Variants in COL5A1 observed in about 807,000 individuals in gnomAD.
COL5A1 encodes collagen alpha-1(V) chain.
A neutral mutation model predicts 263.7 loss-of-function variants in COL5A1; 16 were observed. The ratio of observed to expected loss-of-function variants is 0.06; its 90% CI spans 0.04 to 0.09. The LOEUF (loss-of-function observed/expected upper bound fraction) is 0.09. Among genes scored for constraint, COL5A1 ranks in the 10% least tolerant of loss-of-function variants. COL5A1 has a pLI of 1.00. For synonymous variants in COL5A1, 1,012 were observed against 1,004.5 expected (o/e 1.01, Z -0.14); for missense variants, 2,036 against 2,540.5 (o/e 0.80, Z 4.27).
At position 134,842,122 on chromosome 9, in the gene COL5A1, C is replaced by T; in HGVS notation, c.5371-35C>T. 2 of 1,613,884 alleles carry T rather than the reference C, an allele frequency of 1.2e-6. No individual in the cohort carries two copies. The highest frequency in any genetic ancestry group is 1.6e-4 in the Middle Eastern group (1 of 6,062). On this transcript the variant is annotated intron_variant, in intron 65 of 65. Transcript: ENST00000371817. The surrounding 1 kb of genome is among the most constrained non-coding windows in gnomAD (Gnocchi z 5.8). ...GTAAACCCCAAGACCCCCAACTGTT[C>T]TTAACCACCGGCCATCTGTCTCCCT... is the stretch of plus-strand genomic sequence containing the variant.
intron 1 of COL5A1, among the ~76,000 whole-genome samples, chr9:134,666,937 C>T (rs995529618): frequency 1.3e-5 from 2 of 152,224 alleles, no homozygotes; most frequent in African/African-American, 2.4e-5. Flanking sequence ...CACATCTCCT[C>T]GAGGATGGGG....
chr9:134,767,149 C>T (rs1836703671), intron 23 of COL5A1, 96 bp downstream of exon 23: 1 of 1,485,210 alleles, frequency 6.7e-7, no homozygotes, highest in Non-Finnish European at 9.3e-7. Context: ...GAGCTCTGTC[C>T]CCTCCAAGTA....
Position 134,700,226 on chromosome 9 carries a change from G to A in COL5A1, c.491+104G>A, listed in dbSNP as rs1273526431. On this transcript the variant is annotated intron_variant, in intron 3 of 65. Transcript: ENST00000371817. This position sits in a 1 kb window ranked among gnomAD's most constrained non-coding sequence, Gnocchi z 4.0. ...GCACAGTAGAGGACGTGCAGCAGCC[G>A]GTACTGAGACTCCCACAGACGCCGC... 17 of 1,110,610 alleles carry A rather than the reference G, an allele frequency of 1.5e-5. No individual in the cohort carries two copies. The highest frequency in any genetic ancestry group is 2.0e-5 in the Non-Finnish European group (15 of 766,340). The allele number at this position is 1,110,610 out of a possible 1,614,324, so 68.8% of individuals were successfully genotyped here. A position where few individuals can be genotyped will look rare whatever the true frequency, so the allele number is the denominator to read the frequency against.
Position 134,821,648 on chromosome 9 carries a change from G to T in COL5A1, c.4555-449G>T, listed in dbSNP as rs1402615064. Among the ~76,000 whole-genome samples the T allele has an allele frequency of 1.3e-5, 2 of 152,214 alleles. No homozygotes were observed. The highest frequency in any genetic ancestry group is 4.8e-5 in the African/African-American group (2 of 41,450). Reference sequence around the variant, plus strand: ...GAAAGCACATTTACAGGCAGGACAGGACAGTCAGCATGGATGGGACTCCCT... The same window carrying T: ...GAAAGCACATTTACAGGCAGGACAGTACAGTCAGCATGGATGGGACTCCCT... On this transcript the variant is annotated intron_variant, in intron 58 of 65. Transcript: ENST00000371817. This position sits in a 1 kb window ranked among gnomAD's most constrained non-coding sequence, Gnocchi z 4.2.
In COL5A1 at chr9:134,757,943, C is replaced by T. The variant is rs140511318; in HGVS notation, c.1882-300C>T. On this transcript the variant is annotated intron_variant, in intron 17 of 65. Transcript: ENST00000371817. This position sits in a 1 kb window ranked among gnomAD's most constrained non-coding sequence, Gnocchi z 6.2. ...GATCAGCAGCAGACACTCACACACA[C>T]GGGAAACTGCAGCGGTCGCTGAAAT... Among the ~76,000 whole-genome samples, 96 of 152,266 alleles carry T rather than the reference C, an allele frequency of 6.3e-4. No individual in the cohort carries two copies. Among genetic ancestry groups the T allele is most frequent in the Non-Finnish European group, 1.0e-3 (68 of 68,020 alleles).
At chr9:134,714,873 A>G (rs111288038) in intron 4 of COL5A1, among the ~76,000 whole-genome samples, 17 of 102,974 alleles carry the variant, frequency 1.7e-4, no homozygotes, top group Non-Finnish European at 2.5e-4. Context: ...AGGTGATGGT[A>G]GTGGTGGTGA....
At position 134,765,883 on chromosome 9, in the gene COL5A1, C is replaced by G; in HGVS notation, c.2088+149C>G. On this transcript the variant is annotated intron_variant, in intron 21 of 65. Coordinates refer to ENST00000371817, the MANE Select transcript of COL5A1 (RefSeq NM_000093.5). The surrounding 1 kb of genome is among the most constrained non-coding windows in gnomAD (Gnocchi z 5.1). ...CTGCCAGTGTGAGGCGTGAGCGGGACACTGATGTTCAGACGCTGTAGACAC... is the reference window on the plus strand; with the variant it reads ...CTGCCAGTGTGAGGCGTGAGCGGGAGACTGATGTTCAGACGCTGTAGACAC... 1.5e-6 allele frequency: 1 copy of G among 655,472 alleles called. No homozygotes were observed. The highest frequency in any genetic ancestry group is 2.6e-6 in the Non-Finnish European group (1 of 382,216). The allele number at this position is 655,472 out of a possible 1,614,324, so 40.6% of individuals were successfully genotyped here.
chr9:134,728,698 C>A lies in COL5A1; in HGVS notation c.815C>A (p.Thr272Asn), dbSNP rs1260757917. ...YYTEGDGEGE[T>N]YYYEYPYYED... ...ACGGAAGGAGACGGCGAGGGTGAGACCTATTACTACGAATACCCCTACTAC... is the reference window on the plus strand; with the variant it reads ...ACGGAAGGAGACGGCGAGGGTGAGAACTATTACTACGAATACCCCTACTAC... Residue 272 changes from threonine to asparagine, a missense_variant, in exon 6 of 66, where the codon ACC becomes AAC. This residue lies in a region of COL5A1 where 600 missense variants were observed against 634.5 expected (regional missense o/e 0.95). Transcript: ENST00000371817. The A allele has an allele frequency of 1.2e-6, 2 of 1,614,190 alleles. No homozygotes were observed. Among genetic ancestry groups the A allele is most frequent in the Non-Finnish European group, 8.5e-7 (1 of 1,180,040 alleles).
chr9:134,768,683 C>T (rs1038877636), intron 25 of COL5A1, among the ~76,000 whole-genome samples: 1 of 152,124 alleles, frequency 6.6e-6, no homozygotes, highest in Non-Finnish European at 1.5e-5. Flanking sequence ...GGCGATTGCG[C>T]GAGTAGGAAT....
intron 34 of COL5A1, among the ~76,000 whole-genome samples, chr9:134,795,772 A>T (rs1450708700): frequency 6.6e-6 from 1 of 152,114 alleles, no homozygotes; most frequent in African/African-American, 2.4e-5. Flanking sequence ...CATTGAAGCC[A>T]CTCCTTGGGT....
At chr9:134,834,459 G>C (rs1839771083) in intron 64 of COL5A1, among the ~76,000 whole-genome samples, 1 of 152,194 alleles carries the variant, frequency 6.6e-6, no homozygotes, top group African/African-American at 2.4e-5. Context: ...AGTGGGTGCT[G>C]GCCCAGGAGA....
In COL5A1 at chr9:134,824,591, G is replaced by T. The variant is rs752625762; in HGVS notation, c.4699-9G>T. The stretch of plus-strand genomic sequence containing the variant: ...CATCACCCACCGCTGCTCCTGTTCT[G>T]TCCCCCAGGGCCCCCCGGGAGAGGT... On this transcript the variant is annotated splice_polypyrimidine_tract_variant and intron_variant, in intron 61 of 65. Transcript: ENST00000371817. The T allele has an allele frequency of 6.2e-7, 1 of 1,613,788 alleles. No homozygotes were observed. The highest frequency in any genetic ancestry group is 1.1e-5 in the South Asian group (1 of 91,064).
chr9:134,675,501 CTTG>C (rs921316479), intron 1 of COL5A1, among the ~76,000 whole-genome samples: 23 of 152,212 alleles, frequency 1.5e-4, no homozygotes, highest in African/African-American at 5.5e-4. Flanking sequence ...TTGTACACAT[CTTG>C]TTGTTTATTG....
At chr9:134,656,112 G>A (rs1187905396) in intron 1 of COL5A1, among the ~76,000 whole-genome samples, 1 of 152,154 alleles carries the variant, frequency 6.6e-6, no homozygotes, top group Non-Finnish European at 1.5e-5. Context: ...CCCTCACAGT[G>A]GACAGGTGCA....
At chr9:134,752,725 G>T in intron 14 of COL5A1, 80 bp downstream of exon 14, 1 of 1,164,128 alleles carries the variant, frequency 8.6e-7, no homozygotes, top group South Asian at 1.3e-5. Context: ...ACAGTGGCAG[G>T]TGGCCCTGGG....
At position 134,696,099 on chromosome 9, in the gene COL5A1, C is replaced by T. The variant is rs1833452076; in HGVS notation, c.278-3810C>T. Among the ~76,000 whole-genome samples, 1 of 152,150 alleles carries T rather than the reference C, an allele frequency of 6.6e-6. No individual in the cohort carries two copies. The highest frequency in any genetic ancestry group is 2.1e-4 in the South Asian group (1 of 4,824). On this transcript the variant is annotated intron_variant, in intron 2 of 65. Transcript: ENST00000371817. The surrounding 1 kb of genome is among the most constrained non-coding windows in gnomAD (Gnocchi z 4.3). ...CTGGCCCCCTGTCCAAAGTTAGCCA[C>T]ACCCCGCATTCATTTCCTATCCTCT... is the stretch of plus-strand genomic sequence containing the variant.
rs1208352163 is a variant in COL5A1, at chr9:134,736,114, A to G, written c.1390-2360A>G. ...CCCCCTGGCCGGGAGTCCCCTCACC[A>G]GCCTGGTACCCAGCACCTCTGGCAG... On this transcript the variant is annotated intron_variant, in intron 9 of 65. Transcript: ENST00000371817. 1.2e-4 allele frequency among the ~76,000 whole-genome samples: 19 copies of G among 152,184 alleles called. 1 individual carries two copies. Among genetic ancestry groups the G allele is most frequent in the Admixed American group, 1.0e-3 (16 of 15,290 alleles).
At chr9:134,746,124 G>A (rs573918149) in intron 11 of COL5A1, among the ~76,000 whole-genome samples, 221 of 152,272 alleles carry the variant, frequency 1.5e-3, no homozygotes, top group African/African-American at 4.7e-3. Flanking sequence ...TCAGCCCACC[G>A]CGCGTGGTCA....
At chr9:134,723,413 G>A (rs751977932) in intron 4 of COL5A1, among the ~76,000 whole-genome samples, 223 of 152,306 alleles carry the variant, frequency 1.5e-3, no homozygotes, top group Middle Eastern at 0.014. Context: ...GAGAGCACCC[G>A]TCTCTGTGCT....
Sources: allele counts gnomAD v4.1 joint callset (sites outside exome capture counted in the v4.1 genomes callset), GRCh38; gene constraint gnomAD v4.1.1; regional missense constraint gnomAD v4.1.1; non-coding constraint Gnocchi (gnomAD v3.1); transcripts MANE v1.5; gene names NCBI Gene and HGNC (gene_info 2026-07-23, HGNC 2026-07-21).